The following ITGB1 variants were observed in gnomAD, a reference collection of about 807,000 sequenced individuals.
ITGB1 encodes the protein integrin subunit beta 1.
In ITGB1, 24 loss-of-function variants were observed where a neutral mutation model predicts 86.5. The observed-to-expected ratio is 0.28, with a 90% CI of 0.20 to 0.39. ITGB1 has a LOEUF of 0.39. ITGB1 is among the 10% of genes least tolerant of loss of function. ITGB1 has a pLI of 1.00. For synonymous variants in ITGB1, 323 were observed against 316.8 expected (o/e 1.02, Z -0.21); for missense variants, 556 against 946.9 (o/e 0.59, Z 5.42).
chr10:32,924,819 A>G (rs1402861234), intron 6 of ITGB1, among the ~76,000 whole-genome samples: 1 of 152,244 alleles, frequency 6.6e-6, no homozygotes, highest in Non-Finnish European at 1.5e-5. Context: ...TAATAACAAT[A>G]TAGGAATTAG....
intron 6 of ITGB1, 23 bp downstream of exon 6, chr10:32,925,846 CCT>C (rs771484060): frequency 3.7e-5 from 48 of 1,307,430 alleles, no homozygotes; most frequent in African/African-American, 2.9e-4. Context: ...AACAATATCC[CCT>C]GATAGGAAAT....
intron 1 of ITGB1, chr10:32,955,573 T>C (rs138925262): frequency 6.6e-6 from 1 of 152,306 alleles, no homozygotes; most frequent in South Asian, 2.1e-4. Flanking sequence ...AACTTACTTA[T>C]CAAGAAGCCA....
intron 1 of ITGB1, among the ~76,000 whole-genome samples, chr10:32,948,871 A>C (rs1212755413): frequency 1.3e-5 from 2 of 151,602 alleles, no homozygotes; most frequent in East Asian, 1.9e-4. Context: ...AAGGAAGCAA[A>C]CCCCCCTGAA....
At chr10:32,927,909 C>A (rs2094970474) in intron 5 of ITGB1, among the ~76,000 whole-genome samples, 185 bp downstream of exon 5, 1 of 152,170 alleles carries the variant, frequency 6.6e-6, no homozygotes, top group African/African-American at 2.4e-5. Flanking sequence ...GACAGAGGAA[C>A]AAGGTGGCAG....
intron 6 of ITGB1, among the ~76,000 whole-genome samples, chr10:32,924,804 G>A (rs758112621): frequency 1.3e-5 from 2 of 152,160 alleles, no homozygotes; most frequent in Non-Finnish European, 2.9e-5. Context: ...GTGAAAAGTC[G>A]AAAGTAATAA....
At chr10:32,958,032 C>CGCCCGGCACAAAGGTCCCGGCGCG (rs1457521382) in intron 1 of ITGB1, 113 bp downstream of exon 1, 2 of 151,592 alleles carry the variant, frequency 1.3e-5, no homozygotes, top group Non-Finnish European at 3.0e-5. Context: ...CCCACCCCCA[C>CGCCCGGCACAAAGGTCCCGGCGCG]GCCCGGCACA....
intron 3 of ITGB1, among the ~76,000 whole-genome samples, chr10:32,931,023 T>C (rs969071848): frequency 1.3e-5 from 2 of 152,120 alleles, no homozygotes; most frequent in Non-Finnish European, 2.9e-5. Context: ...AAAGTAACAG[T>C]AAGTGAAGAT....
chr10:32,915,677 C>T (rs137857781), intron 11 of ITGB1, among the ~76,000 whole-genome samples: 7 of 152,200 alleles, frequency 4.6e-5, no homozygotes, highest in African/African-American at 1.7e-4. Flanking sequence ...AATTAATAGC[C>T]TACCAACCAA....
In ITGB1 at chr10:32,919,766, G is replaced by T. The variant is rs934828855; in HGVS notation, c.1469+119C>A. ...AACTGATCTTGTGGTGAGCAACCGTGGTTGGAAAAAATAATTTGCTCCAAA... is the reference window on the plus strand; with the variant it reads ...AACTGATCTTGTGGTGAGCAACCGTTGTTGGAAAAAATAATTTGCTCCAAA... On this transcript the variant is annotated intron_variant, in intron 11 of 15. Coordinates refer to ENST00000302278, the MANE Select transcript of ITGB1 (RefSeq NM_002211.4). 11 of 789,640 alleles carry T rather than the reference G, an allele frequency of 1.4e-5. No homozygotes were observed. The Admixed American group carries it at 1.6e-4, about 11-fold the overall frequency. 48.9% of individuals were successfully genotyped at this position (789,640 alleles called of 1,614,324 possible). A position where few individuals can be genotyped will look rare whatever the true frequency, so the allele number is the denominator to read the frequency against.
intron 1 of ITGB1, among the ~76,000 whole-genome samples, chr10:32,938,212 C>T (rs948077277): frequency 1.3e-4 from 20 of 152,276 alleles, no homozygotes; most frequent in African/African-American, 4.6e-4. Flanking sequence ...TAATTCTAAG[C>T]AAGTCAAATA....
chr10:32,929,073 G>A (rs1319074081), intron 4 of ITGB1, among the ~76,000 whole-genome samples: 2 of 152,078 alleles, frequency 1.3e-5, no homozygotes, highest in Non-Finnish European at 2.9e-5. Flanking sequence ...CAAAAAGGGA[G>A]GAAGAAAAAA....
At chr10:32,930,761 G>A (rs189835380) in intron 3 of ITGB1, among the ~76,000 whole-genome samples, 27 of 152,202 alleles carry the variant, frequency 1.8e-4, no homozygotes, top group Non-Finnish European at 3.2e-4. Context: ...TTAATGGCAG[G>A]TGAATGGATA....
chr10:32,935,081 CTTTT>C (rs2094996797), intron 2 of ITGB1, among the ~76,000 whole-genome samples: 1 of 152,138 alleles, frequency 6.6e-6, no homozygotes, highest in South Asian at 2.1e-4. Flanking sequence ...TTTTGTGAGA[CTTTT>C]TTATCAAAGA....
chr10:32,954,279 C>T (rs1269005331), intron 1 of ITGB1, among the ~76,000 whole-genome samples: 1 of 152,106 alleles, frequency 6.6e-6, no homozygotes, highest in African/African-American at 2.4e-5. Flanking sequence ...GCACCCCCAG[C>T]TTGTGGTCAC....
At chr10:32,934,395 TA>T (rs1171362863) in intron 2 of ITGB1, among the ~76,000 whole-genome samples, 45 of 152,198 alleles carry the variant, frequency 3.0e-4, no homozygotes, top group Non-Finnish European at 4.4e-5. Context: ...AGGATATGTG[TA>T]GGTTATATGC....
chr10:32,924,688 C>T (rs895434803), intron 6 of ITGB1, among the ~76,000 whole-genome samples: 2 of 152,176 alleles, frequency 1.3e-5, no homozygotes, highest in Middle Eastern at 3.2e-3. Context: ...AACAGGCTCA[C>T]ACATCAATGG....
Position 32,935,555 on chromosome 10 carries a change from T to G in ITGB1, c.4A>C (p.Asn2His). ...CCAATCCAGAAAATTGGTTGTAAAT[T>G]CATCTGAAATGTAAAATGTGCCTTA... is the stretch of plus-strand genomic sequence containing the variant. The part of the protein sequence containing the change: M[N>H]LQPIFWIGLI... Residue 2 changes from asparagine to histidine, a missense_variant, in exon 2 of 16, where the codon AAT becomes CAT. Around this residue, in one of 4 missense-constraint regions of ITGB1, gnomAD observed 183 missense variants for 263.9 expected, o/e 0.69. Transcript: ENST00000302278. 6.2e-7 allele frequency: 1 copy of G among 1,607,748 alleles called. No homozygotes were observed. Among genetic ancestry groups the G allele is most frequent in the East Asian group, 2.2e-5 (1 of 44,872 alleles).
At chr10:32,937,987 AG>A (rs1321990184) in intron 1 of ITGB1, among the ~76,000 whole-genome samples, 2 of 152,212 alleles carry the variant, frequency 1.3e-5, no homozygotes. Flanking sequence ...CCGAGAGAAA[AG>A]AGTTAAGCGT....
At chr10:32,949,451 G>A (rs1466851295) in intron 1 of ITGB1, among the ~76,000 whole-genome samples, 3 of 152,190 alleles carry the variant, frequency 2.0e-5, no homozygotes, top group African/African-American at 7.2e-5. Flanking sequence ...AATGTTCTAT[G>A]AGTTTATTTC....
Sources: gnomAD v4.1 joint callset for allele counts (sites outside exome capture counted in the v4.1 genomes callset) on GRCh38, gnomAD v4.1.1 for gene constraint, gnomAD v4.1.1 regional missense constraint, MANE v1.5 for transcripts, NCBI Gene and HGNC (gene_info 2026-07-23, HGNC 2026-07-21) for gene names.